Variants in CRYBB2 observed in about 807,000 individuals in gnomAD.
CRYBB2 encodes the protein crystallin beta B2, also known as beta-crystallin B2.
CRYBB2 carries 12 observed loss-of-function variants against 24.3 expected under a neutral mutation model. The ratio of observed to expected loss-of-function variants is 0.49; its 90% CI spans 0.32 to 0.80. CRYBB2 has a LOEUF of 0.80. Among genes scored for constraint, CRYBB2 ranks in the 30% least tolerant of loss-of-function variants. The pLI is 0.04. For missense variants in CRYBB2, 198 were observed against 268.5 expected, an observed-to-expected ratio of 0.74 and a Z score of 1.83; for synonymous variants, 98 against 101.6, an observed-to-expected ratio of 0.96 and a Z score of 0.21.
At chr22:25,225,148 G>A in intron 3 of CRYBB2, 112 bp downstream of exon 3, 2 of 771,002 alleles carry the variant, frequency 2.6e-6, no homozygotes, top group South Asian at 2.8e-5. Flanking sequence ...CCAAGTTTTG[G>A]GGTCTGGCAG....
chr22:25,218,705 G>A (rs5996859), upstream of CRYBB2, among the ~76,000 whole-genome samples: 13,542 of 47,166 alleles, frequency 0.29, 2,517 homozygotes, highest in South Asian at 0.5. Context: ...AGAGAGAGAG[G>A]GGGAGAGAGA....
chr22:25,212,880 T>A (rs1169531074), intron 1 of CRYBB2: 1 of 152,212 alleles, frequency 6.6e-6, no homozygotes, highest in African/African-American at 2.4e-5. Context: ...TTTTGGAAGT[T>A]AATGTCACCC....
chr22:25,218,810 G>GAAAGAAA (rs1569016391), upstream of CRYBB2, among the ~76,000 whole-genome samples: 1 of 122,378 alleles, frequency 8.2e-6, no homozygotes, highest in Admixed American at 7.9e-5. Flanking sequence ...AAGAAAGAAA[G>GAAAGAAA]AAAGAAAGAA....
chr22:25,213,713 C>T (rs12167370), intron 1 of CRYBB2: 17,099 of 152,174 alleles, frequency 0.11, 1,092 homozygotes, highest in South Asian at 0.27. Flanking sequence ...AGTGATAACC[C>T]GCTCACTAAT....
At chr22:25,214,337 C>G (rs1048707454) in intron 1 of CRYBB2, among the ~76,000 whole-genome samples, 1 of 152,202 alleles carries the variant, frequency 6.6e-6, no homozygotes, top group African/African-American at 2.4e-5. Context: ...GACCCTATCT[C>G]AAATTTTTAA....
At chr22:25,213,961 C>T (rs895289565) in intron 1 of CRYBB2, among the ~76,000 whole-genome samples, 1 of 152,110 alleles carries the variant, frequency 6.6e-6, no homozygotes, top group African/African-American at 2.4e-5. Flanking sequence ...GCACTGGGGG[C>T]ACGAAGATGA....
chr22:25,228,990 G>A (rs1397036015), intron 4 of CRYBB2, among the ~76,000 whole-genome samples: 1 of 150,154 alleles, frequency 6.7e-6, no homozygotes, highest in Non-Finnish European at 1.5e-5. Context: ...ACGCATGTGT[G>A]GGTGTGCGTG....
chr22:25,212,929 A>T (rs1036373491), intron 1 of CRYBB2: 5 of 152,228 alleles, frequency 3.3e-5, no homozygotes, highest in African/African-American at 1.2e-4. Context: ...TGTCTAACGC[A>T]TATTAAGTTT....
At chr22:25,229,874 A>C (rs1489775520) in intron 5 of CRYBB2, among the ~76,000 whole-genome samples, 1 of 151,888 alleles carries the variant, frequency 6.6e-6, no homozygotes, top group African/African-American at 2.4e-5. Context: ...AAGTTGAGGC[A>C]GAGGGAGGAT....
rs749214285 is a variant in CRYBB2 at position 25,228,086 on chromosome 22, C to T, written c.306+101C>T. Reference sequence around the variant, plus strand: ...GAGGTCTGGGGACCAGGAAGGGGCCCGCCCCTCTAGCACTGTGCCCCTTCT... The same window carrying T: ...GAGGTCTGGGGACCAGGAAGGGGCCTGCCCCTCTAGCACTGTGCCCCTTCT... On this transcript the variant is annotated intron_variant, in intron 4 of 5. Transcript: ENST00000398215. 8.6e-5 allele frequency: 134 copies of T among 1,556,836 alleles called. 1 individual carries two copies. The highest frequency in any genetic ancestry group is 1.0e-4 in the Non-Finnish European group (120 of 1,147,214).
chr22:25,218,759 GAGAGAGAGAGAGAGAGAGAGAAGAAAGA>G (rs1569016044), upstream of CRYBB2, among the ~76,000 whole-genome samples: 42 of 39,952 alleles, frequency 1.1e-3, no homozygotes, highest in East Asian at 3.1e-3. Context: ...GAGAGAGAGA[GAGAGAGAGAGAGAGAGAGAGAAGAAAGA>G]AAGAAAGAAA....
At chr22:25,229,082 CAT>C (rs1262910684) in intron 4 of CRYBB2, among the ~76,000 whole-genome samples, 1 of 147,148 alleles carries the variant, frequency 6.8e-6, no homozygotes, top group African/African-American at 2.6e-5. Context: ...CGTGTGCACA[CAT>C]GTGTGGGTGT....
upstream of CRYBB2, among the ~76,000 whole-genome samples, chr22:25,214,939 T>C (rs1215489373): frequency 2.0e-5 from 3 of 152,226 alleles, no homozygotes; most frequent in Non-Finnish European, 2.9e-5. Context: ...CCCTAGCATG[T>C]TTTACCACTC....
At chr22:25,226,193 T>TGTGC (rs1392537600) in intron 3 of CRYBB2, among the ~76,000 whole-genome samples, 2 of 151,946 alleles carry the variant, frequency 1.3e-5, no homozygotes, top group Non-Finnish European at 2.9e-5. Flanking sequence ...TGTGTGTGTG[T>TGTGC]GTGTGTGTGT....
At chr22:25,224,713 C>T (rs770019640) in intron 2 of CRYBB2, among the ~76,000 whole-genome samples, 1 of 152,134 alleles carries the variant, frequency 6.6e-6, no homozygotes, top group African/African-American at 2.4e-5. Flanking sequence ...GGGAGACTGA[C>T]GCTCAGAGAG....
At chr22:25,220,376 GTC>G (rs1393671101) in intron 1 of CRYBB2, among the ~76,000 whole-genome samples, 1 of 152,214 alleles carries the variant, frequency 6.6e-6, no homozygotes, top group Non-Finnish European at 1.5e-5. Context: ...CCTGCCCAGA[GTC>G]TCAATTCTGG....
chr22:25,218,802 G>GAA (rs1361363729), upstream of CRYBB2, among the ~76,000 whole-genome samples: 1 of 110,308 alleles, frequency 9.1e-6, no homozygotes, highest in African/African-American at 3.9e-5. Context: ...AAGAAAGAAA[G>GAA]AAAGAAAGAA....
At chr22:25,224,337 C>T (rs935890419) in intron 2 of CRYBB2, among the ~76,000 whole-genome samples, 5 of 152,094 alleles carry the variant, frequency 3.3e-5, no homozygotes, top group African/African-American at 1.2e-4. Flanking sequence ...TCAGCTGCAT[C>T]AGACAAGCCT....
chr22:25,213,840 G>C (rs1468312516), intron 1 of CRYBB2, among the ~76,000 whole-genome samples: 1 of 152,018 alleles, frequency 6.6e-6, no homozygotes. Flanking sequence ...TTGTCTTAGC[G>C]TCTGCTTCTG....
Sources: allele counts gnomAD v4.1 joint callset (sites outside exome capture counted in the v4.1 genomes callset), GRCh38; gene constraint gnomAD v4.1.1; transcripts MANE v1.5; gene names NCBI Gene and HGNC (gene_info 2026-07-23, HGNC 2026-07-21).